Variants in SLC25A25 observed in about 807,000 individuals in gnomAD.
SLC25A25 encodes solute carrier family 25 member 25.
SLC25A25 carries 32 observed loss-of-function variants against 57.7 expected under a neutral mutation model. The observed-to-expected ratio is 0.55, with a 90% CI of 0.42 to 0.74. The LOEUF (loss-of-function observed/expected upper bound fraction) is 0.74. SLC25A25 is among the 30% of genes least tolerant of loss of function. The pLI is 0.00. For missense variants in SLC25A25, 556 were observed against 701.3 expected (o/e 0.79, Z 2.34); for synonymous variants, 306 against 291.2 (o/e 1.05, Z -0.52).
intron 1 of SLC25A25, among the ~76,000 whole-genome samples, chr9:128,087,257 TA>T (rs1439975110): frequency 1.3e-5 from 2 of 152,028 alleles, no homozygotes; most frequent in African/African-American, 2.4e-5. Context: ...TCTTTTATTT[TA>T]TTGTATTTTA....
Position 128,109,144 on chromosome 9 carries a change from A to G in SLC25A25, c.*1700A>G, listed in dbSNP as rs1323840116. On this transcript the variant is annotated 3_prime_UTR_variant, in exon 11 of 11. Transcript: ENST00000373069. ...AAGATCAATGCAAAAATTGTTATATATGAACATATAACTGGAGTCGTCAAA... is the reference window on the plus strand; with the variant it reads ...AAGATCAATGCAAAAATTGTTATATGTGAACATATAACTGGAGTCGTCAAA... 2.0e-5 allele frequency: 3 copies of G among 152,610 alleles called. No individual in the cohort carries two copies. Among genetic ancestry groups the G allele is most frequent in the South Asian group, 2.1e-4 (1 of 4,836 alleles). 9.5% of individuals were successfully genotyped at this position (152,610 alleles called of 1,614,324 possible).
intron 1 of SLC25A25, among the ~76,000 whole-genome samples, chr9:128,084,449 C>T (rs1833231523): frequency 6.6e-6 from 1 of 152,044 alleles, no homozygotes; most frequent in Admixed American, 6.6e-5. Flanking sequence ...AGGCGTGAGC[C>T]ACCGCGCCTG....
Position 128,068,567 on chromosome 9 carries a change from A to G in SLC25A25, c.248A>G (p.Glu83Gly), listed in dbSNP as rs771060504. 2 of 1,416,592 alleles carry G rather than the reference A, an allele frequency of 1.4e-6. No individual in the cohort carries two copies. Among genetic ancestry groups the G allele is most frequent in the Non-Finnish European group, 1.8e-6 (2 of 1,087,888 alleles). The allele number at this position is 1,416,592 out of a possible 1,614,324, so 87.8% of individuals were successfully genotyped here. The change falls in exon 1 of 11, where the codon GAG (glutamate) becomes GGG (glycine). Residue 83 changes from glutamate (E) to glycine (G), a missense_variant. By Grantham distance (98) the Glu-to-Gly change is moderately conservative (BLOSUM62 -2). Around this residue, in one of 3 missense-constraint regions of SLC25A25, gnomAD observed 248 missense variants for 273.5 expected, o/e 0.91. Coordinates refer to ENST00000373069, the MANE Select transcript of SLC25A25 (RefSeq NM_001330988.2). ...CGGCGCCTGGGACTGCACCGCACCG[A>G]GGGCGAGCTCCAGGTAGGCTGCGCG... ...GLRRLGLHRT[E>G]GELQKIVQAG...
At chr9:128,100,724 C>G in intron 1 of SLC25A25, 1 of 224,426 alleles carries the variant, frequency 4.5e-6, no homozygotes, top group South Asian at 7.1e-5. Context: ...CCAGGGACGG[C>G]GCTGCAGCGA....
Position 128,102,270 on chromosome 9 carries a change from T to G in SLC25A25, c.513-100T>G. On this transcript the variant is annotated intron_variant, in intron 4 of 10. Coordinates refer to ENST00000373069, the MANE Select transcript of SLC25A25 (RefSeq NM_001330988.2). The surrounding 1 kb of genome is among the most constrained non-coding windows in gnomAD (Gnocchi z 4.1). ...GGGCAGAGGCACCTCGTGTGGTTTC[T>G]GGGCATCCGAATGCCTGCCCTTGGC... is the stretch of plus-strand genomic sequence containing the variant. 2.8e-6 allele frequency: 4 copies of G among 1,417,216 alleles called. No individual in the cohort carries two copies. In the South Asian group the frequency reaches 4.8e-5, roughly 17 times the overall value. 87.8% of individuals were successfully genotyped at this position (1,417,216 alleles called of 1,614,324 possible).
Position 128,103,542 on chromosome 9 carries a change from G to C in SLC25A25, c.625-139G>C, listed in dbSNP as rs755229672. The C allele has an allele frequency of 1.0e-6, 1 of 1,003,984 alleles. No individual in the cohort carries two copies. The allele number at this position is 1,003,984 out of a possible 1,614,324, so 62.2% of individuals were successfully genotyped here. On this transcript the variant is annotated intron_variant, in intron 5 of 10. Coordinates refer to ENST00000373069, the MANE Select transcript of SLC25A25 (RefSeq NM_001330988.2). The surrounding 1 kb of genome is among the most constrained non-coding windows in gnomAD (Gnocchi z 6.7). ...AGAGTGAAGGGAAAGACCCCAGCCC[G>C]CTTCCCACCCAGAGTCCTTGGCCTT...
chr9:128,102,487 C>A lies in SLC25A25; in HGVS notation c.624+6C>A. ...TCTACTGGAAGCATTCCACGGTGAG[C>A]CCCACGTGCCCAGGGCCCTCATCTG... is the stretch of plus-strand genomic sequence containing the variant. On this transcript the variant is annotated splice_donor_region_variant and intron_variant, in intron 5 of 10. Coordinates refer to ENST00000373069, the MANE Select transcript of SLC25A25 (RefSeq NM_001330988.2). This position sits in a 1 kb window ranked among gnomAD's most constrained non-coding sequence, Gnocchi z 4.1. The A allele has an allele frequency of 6.2e-7, 1 of 1,608,948 alleles. No individual in the cohort carries two copies. Among genetic ancestry groups the A allele is most frequent in the South Asian group, 1.1e-5 (1 of 90,792 alleles).
At chr9:128,081,506 AT>A (rs1833155433) in intron 1 of SLC25A25, among the ~76,000 whole-genome samples, 1 of 152,118 alleles carries the variant, frequency 6.6e-6, no homozygotes, top group South Asian at 2.1e-4. Context: ...TTGCTTCAAA[AT>A]TTTTTGAACA....
chr9:128,103,478 C>T lies in SLC25A25; in HGVS notation c.625-203C>T, dbSNP rs898539909. Among the ~76,000 whole-genome samples the T allele has an allele frequency of 6.6e-6, 1 of 152,216 alleles. No homozygotes were observed. Among genetic ancestry groups the T allele is most frequent in the African/African-American group, 2.4e-5 (1 of 41,454 alleles). On this transcript the variant is annotated intron_variant, in intron 5 of 10. Coordinates refer to ENST00000373069, the MANE Select transcript of SLC25A25 (RefSeq NM_001330988.2). The surrounding 1 kb of genome is among the most constrained non-coding windows in gnomAD (Gnocchi z 6.7). ...CAGCTGAGGTTCTATACCTGTGCCT[C>T]TCCAGGACCCCAGCAGGGGTGAGAG...
intron 1 of SLC25A25, among the ~76,000 whole-genome samples, chr9:128,086,328 ATTTTTTT>A (rs35134996): frequency 1.0e-5 from 1 of 95,468 alleles, no homozygotes; most frequent in Non-Finnish European, 2.2e-5. Context: ...TACTCGGCTA[ATTTTTTT>A]TTTTTTTTTT....
intron 1 of SLC25A25, chr9:128,091,994 G>A: frequency 1.2e-6 from 2 of 1,614,014 alleles, no homozygotes; most frequent in Non-Finnish European, 1.7e-6. Flanking sequence ...AGACCAGATG[G>A]CAAGCTTTTT....
chr9:128,073,295 G>A (rs566636197), intron 1 of SLC25A25, among the ~76,000 whole-genome samples: 55 of 152,228 alleles, frequency 3.6e-4, no homozygotes, highest in African/African-American at 1.2e-3. Flanking sequence ...AGATAATTTA[G>A]AACCACATAT....
intron 1 of SLC25A25, among the ~76,000 whole-genome samples, chr9:128,089,539 TTATC>T (rs1448319354): frequency 2.6e-5 from 4 of 152,124 alleles, no homozygotes; most frequent in Admixed American, 2.6e-4. Flanking sequence ...CAAGTTCTGT[TTATC>T]TAGTGAGAGG....
At chr9:128,086,191 C>A (rs868295457) in intron 1 of SLC25A25, among the ~76,000 whole-genome samples, 3 of 150,306 alleles carry the variant, frequency 2.0e-5, no homozygotes, top group African/African-American at 2.4e-5. Context: ...TAGACAAGAT[C>A]TCACTCTGTT....
intron 1 of SLC25A25, among the ~76,000 whole-genome samples, chr9:128,070,821 C>T (rs192633952): frequency 1.3e-5 from 2 of 151,890 alleles, no homozygotes; most frequent in East Asian, 3.9e-4. Context: ...AGTGGTGGCG[C>T]ATGCCTGTAA....
At chr9:128,070,557 T>C (rs1157523699) in intron 1 of SLC25A25, among the ~76,000 whole-genome samples, 1 of 151,926 alleles carries the variant, frequency 6.6e-6, no homozygotes, top group Non-Finnish European at 1.5e-5. Context: ...AGGTTTTTTT[T>C]GTTTTGTTTT....
At chr9:128,070,640 T>G (rs1040706769) in intron 1 of SLC25A25, among the ~76,000 whole-genome samples, 1 of 151,964 alleles carries the variant, frequency 6.6e-6, no homozygotes, top group African/African-American at 2.4e-5. Flanking sequence ...ATGTATCTGA[T>G]GAATACTCAC....
intron 1 of SLC25A25, chr9:128,090,991 C>T (rs1253743977): frequency 6.6e-6 from 1 of 152,212 alleles, no homozygotes; most frequent in Non-Finnish European, 1.5e-5. Flanking sequence ...GTGCCTGGTC[C>T]TAGGGGTAGA....
chr9:128,089,071 T>C (rs1254825837), intron 1 of SLC25A25, among the ~76,000 whole-genome samples: 2 of 152,126 alleles, frequency 1.3e-5, no homozygotes, highest in Admixed American at 1.3e-4. Flanking sequence ...AATTTTTGAT[T>C]TTTTTGTAGA....
Sources: gnomAD v4.1 joint callset for allele counts (sites outside exome capture counted in the v4.1 genomes callset) on GRCh38, gnomAD v4.1.1 for gene constraint, gnomAD v4.1.1 regional missense constraint, Gnocchi (gnomAD v3.1) non-coding constraint, MANE v1.5 for transcripts, NCBI Gene and HGNC (gene_info 2026-07-23, HGNC 2026-07-21) for gene names.